Variants in UCHL3 observed in about 807,000 individuals in gnomAD.
The protein encoded by UCHL3 is ubiquitin C-terminal hydrolase L3.
Under a neutral mutation model 35.8 loss-of-function variants are expected in UCHL3, and 22 were observed. That is an observed-to-expected ratio of 0.61 (90% confidence interval 0.44 to 0.88). UCHL3 has a LOEUF of 0.88. UCHL3 is among the 40% of genes least tolerant of loss of function. The pLI is 0.00. For missense variants in UCHL3, 229 were observed against 276.9 expected (o/e 0.83, Z 1.23); for synonymous variants, 90 against 92.8 (o/e 0.97, Z 0.17).
At chr13:75,579,765 T>C (rs980626505) in intron 6 of UCHL3, among the ~76,000 whole-genome samples, 1 of 152,194 alleles carries the variant, frequency 6.6e-6, no homozygotes, top group African/African-American at 2.4e-5. Flanking sequence ...TGTTTGGTGA[T>C]GGTGAAAGTT....
intron 3 of UCHL3, among the ~76,000 whole-genome samples, chr13:75,565,320 A>G (rs1333889909): frequency 1.3e-5 from 2 of 152,210 alleles, no homozygotes; most frequent in Non-Finnish European, 1.5e-5. Flanking sequence ...TTATCAATCG[A>G]ACTTACATGA....
rs1365547193 is a variant in UCHL3, at chr13:75,594,991, G to C, written c.550+1G>C. ...GTAGATGGGCATCTCTATGAATTAG[G>C]TAAGAACTATTTTAATTTGTCCTGG... On this transcript the variant is annotated splice_donor_variant, in intron 7 of 8. Coordinates refer to ENST00000377595, the MANE Select transcript of UCHL3 (RefSeq NM_006002.5). LOFTEE classifies it high-confidence loss of function. 1.9e-6 allele frequency: 3 copies of C among 1,595,734 alleles called. No homozygotes were observed.
intron 6 of UCHL3, among the ~76,000 whole-genome samples, chr13:75,569,796 C>G (rs975586731): frequency 6.6e-5 from 10 of 152,212 alleles, no homozygotes; most frequent in African/African-American, 2.2e-4. Flanking sequence ...CTGTGTCTTC[C>G]CTATCAGATT....
chr13:75,563,222 C>G (rs1218310383), intron 3 of UCHL3, among the ~76,000 whole-genome samples: 1 of 152,198 alleles, frequency 6.6e-6, no homozygotes, highest in Non-Finnish European at 1.5e-5. Flanking sequence ...GTCGCCCAAT[C>G]TGGAGTGCAG....
chr13:75,553,774 T>G (rs115829609), intron 2 of UCHL3, among the ~76,000 whole-genome samples: 1 of 152,224 alleles, frequency 6.6e-6, no homozygotes, highest in African/African-American at 2.4e-5. Context: ...GGATGTCTTA[T>G]AGATACCTTA....
At chr13:75,600,254 A>T (rs1383046994) in intron 7 of UCHL3, among the ~76,000 whole-genome samples, 1 of 152,226 alleles carries the variant, frequency 6.6e-6, no homozygotes. Flanking sequence ...GAGAAGCTGC[A>T]AGTTATCCAG....
At chr13:75,558,119 A>G (rs948119538) in intron 2 of UCHL3, among the ~76,000 whole-genome samples, 1 of 152,172 alleles carries the variant, frequency 6.6e-6, no homozygotes, top group Admixed American at 6.5e-5. Context: ...GGATCTAACA[A>G]TATATTCAGT....
intron 6 of UCHL3, among the ~76,000 whole-genome samples, chr13:75,576,985 C>T (rs903441011): frequency 5.3e-5 from 8 of 152,176 alleles, no homozygotes; most frequent in African/African-American, 1.9e-4. Flanking sequence ...CATGGTAGCT[C>T]ATGCCAGTAA....
intron 6 of UCHL3, chr13:75,590,339 A>G: frequency 4.3e-6 from 3 of 697,518 alleles, no homozygotes; most frequent in Non-Finnish European, 5.3e-6. Flanking sequence ...TTTCCACTCC[A>G]TATCCTGCCA....
chr13:75,550,124 G>A (rs542518179), intron 2 of UCHL3, 137 bp downstream of exon 2: 2 of 1,390,676 alleles, frequency 1.4e-6, no homozygotes, highest in South Asian at 1.2e-5. Flanking sequence ...TCGGCTTTAC[G>A]CGGGTCCGCC....
intron 2 of UCHL3, among the ~76,000 whole-genome samples, chr13:75,559,196 C>T (rs1188449619): frequency 2.6e-5 from 4 of 152,038 alleles, no homozygotes; most frequent in African/African-American, 7.2e-5. Context: ...CCAGCCACCA[C>T]GCCCAGCTAA....
At chr13:75,554,513 G>A (rs1057207537) in intron 2 of UCHL3, among the ~76,000 whole-genome samples, 2 of 152,044 alleles carry the variant, frequency 1.3e-5, no homozygotes, top group African/African-American at 4.8e-5. Context: ...TTCCAAATAC[G>A]GCTATTCCAA....
rs8192765 is a variant in UCHL3 at position 75,605,709 on chromosome 13, C to CT, written c.610-10dup. Reference sequence around the variant, plus strand: ...AACACTTTTACACTGAAAAATCATACTTTTTTTTTTCCTCCATAGGATGCC... The same window carrying CT: ...AACACTTTTACACTGAAAAATCATACTTTTTTTTTTTCCTCCATAGGATGCC... On this transcript the variant is annotated intron_variant, in intron 8 of 8. Transcript: ENST00000377595. 1.6e-3 allele frequency: 2,338 copies of CT among 1,432,846 alleles called. 1 individual carries two copies. The highest frequency in any genetic ancestry group is 2.4e-3 in the South Asian group (185 of 78,138). 88.8% of individuals were successfully genotyped at this position (1,432,846 alleles called of 1,614,324 possible). A position where few individuals can be genotyped will look rare whatever the true frequency, so the allele number is the denominator to read the frequency against.
At chr13:75,563,141 A>G (rs1297638023) in intron 3 of UCHL3, among the ~76,000 whole-genome samples, 2 of 133,184 alleles carry the variant, frequency 1.5e-5, no homozygotes, top group East Asian at 3.9e-4. Flanking sequence ...GTATGTATGT[A>G]TGTATGTATG....
At chr13:75,583,852 G>A (rs1306189621) in intron 6 of UCHL3, among the ~76,000 whole-genome samples, 1 of 152,148 alleles carries the variant, frequency 6.6e-6, no homozygotes, top group Non-Finnish European at 1.5e-5. Context: ...ATTGCTTAAG[G>A]TCAAAAGTAG....
At chr13:75,592,334 A>C (rs1329060420) in intron 6 of UCHL3, among the ~76,000 whole-genome samples, 2 of 148,010 alleles carry the variant, frequency 1.4e-5, no homozygotes, top group Admixed American at 1.4e-4. Context: ...GTCATACTAC[A>C]TCTATGAAGT....
chr13:75,558,302 C>A (rs575681741), intron 2 of UCHL3, among the ~76,000 whole-genome samples: 2 of 152,222 alleles, frequency 1.3e-5, no homozygotes, highest in African/African-American at 2.4e-5. Context: ...ACAGTGGCTG[C>A]GTTTGGTTCC....
chr13:75,592,453 T>C lies in UCHL3; in HGVS notation c.475-2462T>C, dbSNP rs865824522. On this transcript the variant is annotated intron_variant, in intron 6 of 8. Transcript: ENST00000377595. ...ATATATATATATATATATATATATA[T>C]ATATATATATATATGAAGGAAAAAA... Among the ~76,000 whole-genome samples, 354 of 101,982 alleles carry C rather than the reference T, an allele frequency of 3.5e-3. 9 individuals are homozygous for C. Among genetic ancestry groups the C allele is most frequent in the African/African-American group, 5.7e-3 (173 of 30,528 alleles). The allele number at this position is 101,982 out of a possible 152,430, so 66.9% of individuals were successfully genotyped here.
intron 6 of UCHL3, among the ~76,000 whole-genome samples, chr13:75,592,468 G>GTATATATGTATATACATAT (rs1201744829): frequency 4.3e-5 from 1 of 23,318 alleles, no homozygotes; most frequent in Non-Finnish European, 8.0e-5. Context: ...ATATATATAT[G>GTATATATGTATATACATAT]AAGGAAAAAA....
Sources: gnomAD v4.1 joint callset for allele counts (sites outside exome capture counted in the v4.1 genomes callset) on GRCh38, gnomAD v4.1.1 for gene constraint, MANE v1.5 for transcripts, NCBI Gene and HGNC (gene_info 2026-07-23, HGNC 2026-07-21) for gene names.